The following SPOCK1 variants were observed in gnomAD, a reference collection of about 807,000 sequenced individuals.
SPOCK1 encodes SPARC (osteonectin), cwcv and kazal like domains proteoglycan 1, also known as testican-1.
In SPOCK1, 23 loss-of-function variants were observed where a neutral mutation model predicts 55.3. The ratio of observed to expected loss-of-function variants is 0.42; its 90% confidence interval spans 0.30 to 0.59. The LOEUF is 0.59. SPOCK1 is among the 20% of genes least tolerant of loss of function. SPOCK1 has a pLI of 0.22. For missense variants in SPOCK1, 499 were observed against 552.5 expected, an observed-to-expected ratio of 0.90 and a Z score of 0.97; for synonymous variants, 226 against 221.0, an observed-to-expected ratio of 1.02 and a Z score of -0.20.
At chr5:137,198,174 T>C (rs1310708252) in intron 3 of SPOCK1, among the ~76,000 whole-genome samples, 1 of 152,238 alleles carries the variant, frequency 6.6e-6, no homozygotes, top group African/African-American at 2.4e-5. Context: ...CATATTCTAT[T>C]CTATAAAAGT....
chr5:137,136,124 T>C (rs1222348774), intron 4 of SPOCK1, among the ~76,000 whole-genome samples: 9 of 152,252 alleles, frequency 5.9e-5, no homozygotes, highest in Admixed American at 5.9e-4. Flanking sequence ...CTTTTTGCAT[T>C]ACAGTTCAGG....
At chr5:137,142,231 A>T (rs1458916027) in intron 3 of SPOCK1, among the ~76,000 whole-genome samples, 1 of 152,178 alleles carries the variant, frequency 6.6e-6, no homozygotes, top group Non-Finnish European at 1.5e-5. Flanking sequence ...CAAAACAAAC[A>T]CAAAGAAATG....
intron 2 of SPOCK1, among the ~76,000 whole-genome samples, chr5:137,434,969 A>T (rs1462073641): frequency 6.6e-6 from 1 of 152,246 alleles, no homozygotes; most frequent in African/African-American, 2.4e-5. Context: ...ACATGAAGAA[A>T]CAAAAAGAAT....
chr5:136,998,663 G>C (rs1321764737), intron 6 of SPOCK1, among the ~76,000 whole-genome samples: 1 of 152,254 alleles, frequency 6.6e-6, no homozygotes, highest in Non-Finnish European at 1.5e-5. Flanking sequence ...GAGGTAGCTA[G>C]CTGAGCAATA....
intron 3 of SPOCK1, among the ~76,000 whole-genome samples, chr5:137,167,002 C>A (rs928065081): frequency 1.3e-5 from 2 of 151,956 alleles, no homozygotes; most frequent in East Asian, 1.9e-4. Flanking sequence ...GGACTAAACT[C>A]TCCAATGAAA....
chr5:137,420,698 T>C (rs1276638802), intron 2 of SPOCK1, among the ~76,000 whole-genome samples: 1 of 152,212 alleles, frequency 6.6e-6, no homozygotes, highest in African/African-American at 2.4e-5. Context: ...TTCTTCTTTA[T>C]GAGTCTTGCT....
At chr5:137,450,320 C>G (rs1166917260) in intron 2 of SPOCK1, among the ~76,000 whole-genome samples, 1 of 152,198 alleles carries the variant, frequency 6.6e-6, no homozygotes, top group Admixed American at 6.5e-5. Context: ...TTCAGTTCCA[C>G]TCAAAGACTG....
intron 2 of SPOCK1, among the ~76,000 whole-genome samples, chr5:137,302,911 G>A (rs557734773): frequency 6.6e-6 from 1 of 152,272 alleles, no homozygotes; most frequent in South Asian, 2.1e-4. Context: ...AACAGGTACA[G>A]GGCTGGCACA....
intron 2 of SPOCK1, among the ~76,000 whole-genome samples, chr5:137,439,520 A>C (rs1752944006): frequency 6.6e-6 from 1 of 152,214 alleles, no homozygotes; most frequent in East Asian, 1.9e-4. Flanking sequence ...TGTGATCAAC[A>C]AGCAGTCAGG....
chr5:137,338,024 T>TTA (rs1750322420), intron 2 of SPOCK1, among the ~76,000 whole-genome samples: 1 of 152,096 alleles, frequency 6.6e-6, no homozygotes, highest in African/African-American at 2.4e-5. Flanking sequence ...GTATTATTTT[T>TTA]TTATTATTAT....
chr5:137,112,861 C>T (rs907114163), intron 4 of SPOCK1, among the ~76,000 whole-genome samples: 7 of 126,120 alleles, frequency 5.6e-5, no homozygotes, highest in East Asian at 5.0e-4. Flanking sequence ...AGAAAAAAAA[C>T]GGTGAGGGAA....
chr5:137,115,876 AT>A (rs1753567843), intron 4 of SPOCK1, among the ~76,000 whole-genome samples: 1 of 152,238 alleles, frequency 6.6e-6, no homozygotes, highest in Non-Finnish European at 1.5e-5. Context: ...TCATAAAAAA[AT>A]AACTAACCCA....
Position 137,325,754 on chromosome 5 carries a change from G to A in SPOCK1, c.187-58699C>T, listed in dbSNP as rs138930286. Among the ~76,000 whole-genome samples, 466 of 152,270 alleles carry A rather than the reference G, an allele frequency of 3.1e-3. 6 individuals are homozygous for A. The highest frequency in any genetic ancestry group is 0.01 in the African/African-American group (429 of 41,562). ...AATACCAGGAAATATTAAGAGCTAC[G>A]GAGAAAACAGTGGCATAAGCAATCC... On this transcript the variant is annotated intron_variant, in intron 2 of 10. Coordinates refer to ENST00000394945, the MANE Select transcript of SPOCK1 (RefSeq NM_004598.4).
chr5:137,468,669 C>T (rs1185608030), intron 2 of SPOCK1, among the ~76,000 whole-genome samples: 3 of 152,088 alleles, frequency 2.0e-5, no homozygotes, highest in East Asian at 3.8e-4. Flanking sequence ...TTTGGGGGGC[C>T]GGTAACACGT....
chr5:137,116,568 C>A (rs952154124), intron 4 of SPOCK1, among the ~76,000 whole-genome samples: 3 of 152,012 alleles, frequency 2.0e-5, no homozygotes, highest in Admixed American at 1.3e-4. Context: ...ATCACTTGAA[C>A]ACGGCAGGCG....
intron 3 of SPOCK1, among the ~76,000 whole-genome samples, chr5:137,190,801 A>T (rs979114532): frequency 1.3e-5 from 2 of 152,122 alleles, no homozygotes; most frequent in Non-Finnish European, 2.9e-5. Flanking sequence ...GCTCCTTTTC[A>T]TCTGCAGCCT....
At chr5:137,059,858 A>G (rs1279922776) in intron 6 of SPOCK1, among the ~76,000 whole-genome samples, 2 of 152,224 alleles carry the variant, frequency 1.3e-5, no homozygotes, top group Non-Finnish European at 2.9e-5. Flanking sequence ...AATGCTCAAC[A>G]TCACTAATCA....
At chr5:137,172,823 G>A (rs1222823309) in intron 3 of SPOCK1, among the ~76,000 whole-genome samples, 1 of 152,050 alleles carries the variant, frequency 6.6e-6, no homozygotes, top group African/African-American at 2.4e-5. Flanking sequence ...CCATACTTGG[G>A]GGTACAAAGC....
At chr5:136,979,582 AG>A (rs1234881637) in intron 9 of SPOCK1, 113 bp from the exon 10 acceptor site, 2 of 1,360,884 alleles carry the variant, frequency 1.5e-6, no homozygotes, top group East Asian at 4.7e-5. Context: ...CTGCAGGGTC[AG>A]CAGCAGAGGA....
Sources: gnomAD v4.1 joint callset for allele counts (sites outside exome capture counted in the v4.1 genomes callset) on GRCh38, gnomAD v4.1.1 for gene constraint, MANE v1.5 for transcripts, NCBI Gene and HGNC (gene_info 2026-07-23, HGNC 2026-07-21) for gene names.